TTC9C: variants seen among roughly 807,000 people sequenced by gnomAD.
TTC9C encodes the protein tetratricopeptide repeat protein 9C.
In TTC9C, 15 loss-of-function variants were observed where a neutral mutation model predicts 22.5. That is an observed-to-expected ratio of 0.67 (90% confidence interval 0.45 to 1.03). The LOEUF (loss-of-function observed/expected upper bound fraction) is 1.03, where lower values mean the gene tolerates loss of function less well. Ranked by LOEUF, TTC9C falls within the 50% of genes least tolerant of loss-of-function variation. The probability of loss-of-function intolerance (pLI) is 0.00; values close to 1 mark genes in which losing one functional copy is unlikely to be tolerated. For missense variants in TTC9C, 244 were observed against 214.6 expected (o/e 1.14, Z -0.86); for synonymous variants, 92 against 86.8 (o/e 1.06, Z -0.33).
rs1440805076 is a variant in TTC9C, at chr11:62,735,439, A to G, written c.296A>G (p.Lys99Arg). ...NYERVREYSQ[K>R]VLERQPDNAK... is the part of the protein sequence containing the mutation. The stretch of plus-strand genomic sequence containing the variant: ...GAACGAGTGAGAGAATATAGTCAGA[A>G]AGTCCTGGAACGACAGCCTGATAAT... The change falls in exon 2 of 3, where the codon AAA (lysine) becomes AGA (arginine). Residue 99 changes from lysine (K) to arginine (R), a missense_variant. By Grantham distance (26) the Lys-to-Arg change is conservative (BLOSUM62 2). Transcript: ENST00000316461. The G allele has an allele frequency of 1.9e-6, 3 of 1,614,130 alleles. No homozygotes were observed. The highest frequency in any genetic ancestry group is 2.5e-6 in the Non-Finnish European group (3 of 1,180,006).
In TTC9C at chr11:62,735,551, T is replaced by G; in HGVS notation, c.408T>G (p.Asn136Lys). 1 of 1,613,246 alleles carries G rather than the reference T, an allele frequency of 6.2e-7. No individual in the cohort carries two copies. The highest frequency in any genetic ancestry group is 8.5e-7 in the Non-Finnish European group (1 of 1,179,432). Residue 136 changes from asparagine to lysine, a missense_variant, in exon 2 of 3, where the codon AAT becomes AAG. By Grantham distance (94) the Asn-to-Lys change is moderately conservative. Coordinates refer to ENST00000316461, the MANE Select transcript of TTC9C (RefSeq NM_173810.4). The part of the protein sequence containing the change: ...QARHYLLAAV[N>K]RQPKDANVRR... ...GCCACTACCTCCTGGCTGCCGTGAATAGGCAGCCTAAAGGTAAGCAAGAAG... is the reference window on the plus strand; with the variant it reads ...GCCACTACCTCCTGGCTGCCGTGAAGAGGCAGCCTAAAGGTAAGCAAGAAG...
chr11:62,736,746 C>T (rs925287780), intron 2 of TTC9C, among the ~76,000 whole-genome samples: 2 of 150,298 alleles, frequency 1.3e-5, no homozygotes, highest in South Asian at 4.2e-4. Context: ...ATCCCAGCTA[C>T]TTAGGAGGCT....
In TTC9C at chr11:62,729,058, CCAGA is replaced by C. The variant is rs745510129; in HGVS notation, c.216_219del (p.Asp73AlafsTer5). ...AACAAGAAAACATATTGCATACCAC[CCAGA>C]CAGACTGCTATAACAATCTAGCTGG... is the stretch of plus-strand genomic sequence containing the variant. On this transcript the variant is annotated frameshift_variant, in exon 1 of 3. Coordinates refer to ENST00000316461, the MANE Select transcript of TTC9C (RefSeq NM_173810.4). LOFTEE classifies it high-confidence loss of function. 1 of 1,614,132 alleles carries C rather than the reference CCAGA, an allele frequency of 6.2e-7. No homozygotes were observed. The highest frequency in any genetic ancestry group is 8.5e-7 in the Non-Finnish European group (1 of 1,180,030).
chr11:62,736,987 C>T (rs1376139385), intron 2 of TTC9C, among the ~76,000 whole-genome samples: 1 of 151,924 alleles, frequency 6.6e-6, no homozygotes, highest in Non-Finnish European at 1.5e-5. Flanking sequence ...CATGTGAGGC[C>T]AGGAGTTCGA....
intron 1 of TTC9C, among the ~76,000 whole-genome samples, chr11:62,735,122 G>A (rs767037478): frequency 7.9e-5 from 12 of 151,988 alleles, no homozygotes; most frequent in Middle Eastern, 3.2e-3. Flanking sequence ...TCGAACTCCC[G>A]ACCTCAGGTG....
chr11:62,736,952 C>T (rs1183103256), intron 2 of TTC9C, among the ~76,000 whole-genome samples: 1 of 151,730 alleles, frequency 6.6e-6, no homozygotes, highest in Admixed American at 6.6e-5. Flanking sequence ...AATCCCAGCA[C>T]TTTGGGAGGC....
At position 62,729,402 on chromosome 11, in the gene TTC9C, ATTTTAT is replaced by A. The variant is rs758677519; in HGVS notation, c.238+321_238+326del. On this transcript the variant is annotated intron_variant, in intron 1 of 2. Coordinates refer to ENST00000316461, the MANE Select transcript of TTC9C (RefSeq NM_173810.4). ...ATTTTATTTTATTTTATTTTATTTTATTTTATTTTTTTTTGAGATGGAGTCTCGCTC... is the reference window on the plus strand; with the variant it reads ...ATTTTATTTTATTTTATTTTATTTTATTTTTTTTGAGATGGAGTCTCGCTC... Among the ~76,000 whole-genome samples the A allele has an allele frequency of 3.3e-3, 434 of 133,404 alleles. 1 individual carries two copies. The highest frequency in any genetic ancestry group is 7.2e-3 in the Middle Eastern group (2 of 276). 87.5% of individuals were successfully genotyped at this position (133,404 alleles called of 152,430 possible).
chr11:62,728,529 G>A lies in TTC9C; in HGVS notation c.-320G>A, dbSNP rs750442193. ...ACGCCCGCAACAATTCCTGAGTAGG[G>A]CCTTGCTTGAGTTCTTCGGAAAGTC... On this transcript the variant is annotated 5_prime_UTR_variant, in exon 1 of 3. Transcript: ENST00000316461. The A allele has an allele frequency of 6.0e-6, 3 of 502,702 alleles. No individual in the cohort carries two copies. Among genetic ancestry groups the A allele is most frequent in the African/African-American group, 1.9e-5 (1 of 51,802 alleles). 31.1% of individuals were successfully genotyped at this position (502,702 alleles called of 1,614,324 possible).
At chr11:62,732,736 T>C (rs1046109144) in intron 1 of TTC9C, among the ~76,000 whole-genome samples, 9 of 152,114 alleles carry the variant, frequency 5.9e-5, no homozygotes, top group African/African-American at 1.9e-4. Flanking sequence ...CTGGCTGATA[T>C]GGTGAAACTC....
At chr11:62,732,206 A>G (rs1287868459) in intron 1 of TTC9C, among the ~76,000 whole-genome samples, 3 of 151,682 alleles carry the variant, frequency 2.0e-5, no homozygotes, top group African/African-American at 7.3e-5. Flanking sequence ...CGTGTTAGCC[A>G]GGATGGTCTC....
intron 1 of TTC9C, among the ~76,000 whole-genome samples, chr11:62,729,382 A>T (rs112026555): frequency 1.6e-5 from 2 of 123,658 alleles, no homozygotes; most frequent in African/African-American, 7.1e-5. Context: ...TTTTTATTTT[A>T]TTTTATTTTA....
chr11:62,735,250 A>T, intron 1 of TTC9C, 132 bp from the exon 2 acceptor site: 1 of 1,222,720 alleles, frequency 8.2e-7, no homozygotes, highest in East Asian at 2.6e-5. Context: ...AGTGTCTGGC[A>T]TATGGGAGAC....
chr11:62,736,717 G>A (rs554742093), intron 2 of TTC9C, among the ~76,000 whole-genome samples: 25 of 151,254 alleles, frequency 1.7e-4, no homozygotes, highest in South Asian at 1.3e-3. Flanking sequence ...AAAGCTGGGC[G>A]TGATGGCAGG....
rs2083937509 is a variant in TTC9C, at chr11:62,738,424, A to G, written c.*42A>G. On this transcript the variant is annotated 3_prime_UTR_variant, in exon 3 of 3. Coordinates refer to ENST00000316461, the MANE Select transcript of TTC9C (RefSeq NM_173810.4). The stretch of plus-strand genomic sequence containing the variant: ...TCCTCCAGTTGAACTTAGGTGGACC[A>G]TTAAACATGCATGAAGGAGAAATCT... The G allele has an allele frequency of 1.5e-6, 2 of 1,331,486 alleles. No homozygotes were observed. Among genetic ancestry groups the G allele is most frequent in the Admixed American group, 1.8e-5 (1 of 55,848 alleles). The allele number at this position is 1,331,486 out of a possible 1,614,324, so 82.5% of individuals were successfully genotyped here. A position where few individuals can be genotyped will look rare whatever the true frequency, so the allele number is the denominator to read the frequency against.
At chr11:62,737,775 G>A (rs1290171309) in intron 2 of TTC9C, among the ~76,000 whole-genome samples, 1 of 152,170 alleles carries the variant, frequency 6.6e-6, no homozygotes, top group Non-Finnish European at 1.5e-5. Context: ...GCTCACACCT[G>A]TAATCCCAGC....
chr11:62,728,696 C>A lies in TTC9C; in HGVS notation c.-153C>A. On this transcript the variant is annotated 5_prime_UTR_variant, in exon 1 of 3. Transcript: ENST00000316461. ...AGGTGGGGCTTTCAGTAGAAACAAGCAAACCGCAGGTCCCTGTGGGGGGAC... is the reference window on the plus strand; with the variant it reads ...AGGTGGGGCTTTCAGTAGAAACAAGAAAACCGCAGGTCCCTGTGGGGGGAC... The A allele has an allele frequency of 1.3e-6, 1 of 764,642 alleles. No individual in the cohort carries two copies. The highest frequency in any genetic ancestry group is 2.3e-6 in the Non-Finnish European group (1 of 440,362). 47.4% of individuals were successfully genotyped at this position (764,642 alleles called of 1,614,324 possible).
rs1192156722 is a variant in TTC9C at position 62,735,473 on chromosome 11, C to T, written c.330C>T (p.Ala110=). Residue 110 remains alanine (A), a synonymous_variant, in exon 2 of 3, where the codon GCC becomes GCT. Coordinates refer to ENST00000316461, the MANE Select transcript of TTC9C (RefSeq NM_173810.4). ...VLERQPDNAK[A]LYRAGVAFFH... is the part of the protein sequence containing the mutation. ...AACGACAGCCTGATAATGCCAAGGC[C>T]TTGTATCGGGCCGGAGTGGCCTTTT... 1 of 1,614,112 alleles carries T rather than the reference C, an allele frequency of 6.2e-7. No individual in the cohort carries two copies. Among genetic ancestry groups the T allele is most frequent in the African/African-American group, 1.3e-5 (1 of 75,012 alleles).
intron 1 of TTC9C, among the ~76,000 whole-genome samples, chr11:62,732,029 C>T (rs146322375): frequency 7.9e-6 from 1 of 126,420 alleles, no homozygotes; most frequent in Non-Finnish European, 1.6e-5. Flanking sequence ...CCAAGTCTCA[C>T]TCTGTCGCCC....
intron 2 of TTC9C, among the ~76,000 whole-genome samples, chr11:62,737,238 A>G (rs145429741): frequency 6.6e-6 from 1 of 152,284 alleles, no homozygotes; most frequent in Non-Finnish European, 1.5e-5. Flanking sequence ...AGTGATTGGA[A>G]TAGGATGTGT....
Sources: allele counts gnomAD v4.1 joint callset (sites outside exome capture counted in the v4.1 genomes callset), GRCh38; gene constraint gnomAD v4.1.1; transcripts MANE v1.5; gene names NCBI Gene and HGNC (gene_info 2026-07-23, HGNC 2026-07-21).